The following FHIT variants were observed in gnomAD, a reference collection of about 807,000 sequenced individuals.
FHIT encodes bis(5'-adenosyl)-triphosphatase.
In FHIT, 19 loss-of-function variants were observed where a neutral mutation model predicts 17.9. That is an observed-to-expected ratio of 1.06 (90% CI 0.74 to 1.56). FHIT has a LOEUF of 1.56. FHIT is among the 40% of genes most tolerant of loss of function. FHIT has a pLI of 0.00. For missense variants in FHIT, 248 were observed against 189.2 expected, an observed-to-expected ratio of 1.31 and a Z score of -1.82; for synonymous variants, 81 against 69.7, an observed-to-expected ratio of 1.16 and a Z score of -0.81.
At chr3:60,012,114 C>T (rs951718214) in intron 6 of FHIT, among the ~76,000 whole-genome samples, 10 of 151,932 alleles carry the variant, frequency 6.6e-5, no homozygotes, top group African/African-American at 9.7e-5. Context: ...GCCTGACTAA[C>T]GGGGTGAGAA....
At chr3:60,574,689 G>A (rs1482326480) in intron 4 of FHIT, among the ~76,000 whole-genome samples, 2 of 152,106 alleles carry the variant, frequency 1.3e-5, no homozygotes, top group African/African-American at 2.4e-5. Flanking sequence ...AAGGGCTTGA[G>A]TGTGTCCCTG....
intron 5 of FHIT, among the ~76,000 whole-genome samples, chr3:60,289,561 G>A (rs1707883121): frequency 6.6e-6 from 1 of 152,102 alleles, no homozygotes; most frequent in African/African-American, 2.4e-5. Context: ...GCAATCCCTA[G>A]GACTTTGGCA....
chr3:60,431,766 C>T (rs879276259), intron 5 of FHIT, among the ~76,000 whole-genome samples: 4 of 152,028 alleles, frequency 2.6e-5, no homozygotes, highest in African/African-American at 4.8e-5. Context: ...ACACCCCCTT[C>T]TGGTGAGCAC....
At chr3:60,936,479 C>T (rs1708194952) in intron 3 of FHIT, among the ~76,000 whole-genome samples, 1 of 152,098 alleles carries the variant, frequency 6.6e-6, no homozygotes, top group South Asian at 2.1e-4. Flanking sequence ...CAGATCAATA[C>T]AAAACTGAAG....
At chr3:60,801,085 A>C (rs1701171214) in intron 4 of FHIT, among the ~76,000 whole-genome samples, 1 of 152,190 alleles carries the variant, frequency 6.6e-6, no homozygotes, top group Non-Finnish European at 1.5e-5. Flanking sequence ...ACAGGCACCT[A>C]GGGCTCAACC....
At chr3:60,853,929 T>G (rs893213529) in intron 3 of FHIT, among the ~76,000 whole-genome samples, 2 of 152,156 alleles carry the variant, frequency 1.3e-5, no homozygotes, top group African/African-American at 4.8e-5. Flanking sequence ...TTAGTAACAC[T>G]GCAAAGATGT....
At chr3:60,369,707 G>T (rs1700246951) in intron 5 of FHIT, among the ~76,000 whole-genome samples, 1 of 152,066 alleles carries the variant, frequency 6.6e-6, no homozygotes, top group Admixed American at 6.6e-5. Flanking sequence ...AGGCTGTTAA[G>T]CAAGACCTTC....
At chr3:61,120,377 A>G (rs1338835210) in intron 2 of FHIT, among the ~76,000 whole-genome samples, 1 of 152,252 alleles carries the variant, frequency 6.6e-6, no homozygotes, top group African/African-American at 2.4e-5. Flanking sequence ...TTAGATGGTC[A>G]CTACAGAAAG....
At chr3:60,488,974 C>G (rs1378690027) in intron 5 of FHIT, among the ~76,000 whole-genome samples, 1 of 152,050 alleles carries the variant, frequency 6.6e-6, no homozygotes, top group East Asian at 1.9e-4. Context: ...TCATATATTC[C>G]ACACTTTCTG....
intron 5 of FHIT, among the ~76,000 whole-genome samples, chr3:60,377,606 C>G (rs34687143): frequency 1.3e-5 from 2 of 148,616 alleles, no homozygotes; most frequent in Non-Finnish European, 3.0e-5. Flanking sequence ...CTCAGCCTCC[C>G]GAGTAGCTGG....
At chr3:60,546,389 G>A (rs2036365472) in intron 4 of FHIT, among the ~76,000 whole-genome samples, 1 of 152,100 alleles carries the variant, frequency 6.6e-6, no homozygotes, top group Non-Finnish European at 1.5e-5. Flanking sequence ...AGCAGATCAG[G>A]ATCTTTATCC....
intron 4 of FHIT, among the ~76,000 whole-genome samples, chr3:60,739,115 T>A (rs1001681555): frequency 1.3e-5 from 2 of 151,852 alleles, no homozygotes; most frequent in African/African-American, 4.8e-5. Flanking sequence ...TCCCATTCCA[T>A]CCCCCAGCCA....
At chr3:60,474,719 G>A (rs2107457502) in intron 5 of FHIT, among the ~76,000 whole-genome samples, 1 of 152,066 alleles carries the variant, frequency 6.6e-6, no homozygotes, top group Non-Finnish European at 1.5e-5. Context: ...TGCCTCCCGG[G>A]TTCAAGAGAT....
chr3:61,172,324 T>C (rs557649048), intron 2 of FHIT, among the ~76,000 whole-genome samples: 7 of 152,184 alleles, frequency 4.6e-5, no homozygotes, highest in Non-Finnish European at 1.0e-4. Context: ...GCTTAAAATA[T>C]GCAAGGGGAA....
chr3:61,026,550 A>G (rs67592471), intron 3 of FHIT, among the ~76,000 whole-genome samples: 42,882 of 152,120 alleles, frequency 0.28, 6,987 homozygotes, highest in African/African-American at 0.46. Flanking sequence ...TTTAAAGCAA[A>G]CTTGTCCAAC....
At chr3:60,228,465 T>G (rs1704323422) in intron 5 of FHIT, among the ~76,000 whole-genome samples, 1 of 152,180 alleles carries the variant, frequency 6.6e-6, no homozygotes, top group Non-Finnish European at 1.5e-5. Context: ...AAGGTGAATT[T>G]TTTTGGTATG....
intron 5 of FHIT, among the ~76,000 whole-genome samples, chr3:60,268,690 G>C (rs1025089724): frequency 6.6e-6 from 1 of 152,208 alleles, no homozygotes; most frequent in Non-Finnish European, 1.5e-5. Flanking sequence ...TTCACAGTAG[G>C]TGTAGGTGTG....
chr3:60,108,703 G>A (rs549850413), intron 5 of FHIT, among the ~76,000 whole-genome samples: 46 of 146,408 alleles, frequency 3.1e-4, no homozygotes, highest in East Asian at 1.8e-3. Flanking sequence ...CGCTTTTGTC[G>A]TCCAGGCAGG....
At chr3:60,088,709 T>A (rs1703604532) in intron 5 of FHIT, among the ~76,000 whole-genome samples, 1 of 152,188 alleles carries the variant, frequency 6.6e-6, no homozygotes, top group Non-Finnish European at 1.5e-5. Flanking sequence ...CTTATTTACT[T>A]TCTAAAGACA....
Sources: allele counts gnomAD v4.1 joint callset (sites outside exome capture counted in the v4.1 genomes callset), GRCh38; gene constraint gnomAD v4.1.1; transcripts MANE v1.5; gene names NCBI Gene and HGNC (gene_info 2026-07-23, HGNC 2026-07-21).